FAM227B: variants seen among roughly 807,000 people sequenced by gnomAD.
FAM227B encodes the protein protein FAM227B.
Under a neutral mutation model 73.8 loss-of-function variants are expected in FAM227B, and 88 were observed. The observed-to-expected ratio is 1.19, with a 90% CI of 1.00 to 1.42. The LOEUF (loss-of-function observed/expected upper bound fraction) is 1.42. FAM227B is among the 40% of genes most tolerant of loss of function. FAM227B has a pLI of 0.00. For missense variants in FAM227B, 632 were observed against 590.9 expected (o/e 1.07, Z -0.72); for synonymous variants, 210 against 190.5 (o/e 1.10, Z -0.84).
intron 13 of FAM227B, chr15:49,366,730 G>A (rs1218295318): frequency 7.5e-6 from 8 of 1,060,044 alleles, no homozygotes; most frequent in Non-Finnish European, 1.1e-5. Context: ...GGCTCACTAG[G>A]TGGGGTAGGC....
Position 49,606,439 on chromosome 15 carries a change from C to T in FAM227B, c.105+4776G>A, listed in dbSNP as rs2077527293. Among the ~76,000 whole-genome samples the T allele has an allele frequency of 2.6e-5, 4 of 152,170 alleles. No homozygotes were observed. In the South Asian group the frequency reaches 8.3e-4, roughly 32 times the overall value. On this transcript the variant is annotated intron_variant, in intron 3 of 15. Transcript: ENST00000299338. ...TAATATATTTACTTATTTGATCAAT[C>T]CTTTTATGTAACCAATCTCTCATAT...
chr15:49,485,332 A>G (rs1371766516), intron 11 of FAM227B: 3 of 152,438 alleles, frequency 2.0e-5, no homozygotes, highest in Non-Finnish European at 4.4e-5. Context: ...CTATCTTTGT[A>G]TAATTCATAT....
intron 13 of FAM227B, among the ~76,000 whole-genome samples, chr15:49,360,101 A>G (rs1421004186): frequency 6.0e-5 from 4 of 67,024 alleles, no homozygotes; most frequent in African/African-American, 1.2e-4. Flanking sequence ...GGGTGGGGGG[A>G]GGGGGGAGGG....
At chr15:49,588,140 A>C (rs2076285642) in intron 4 of FAM227B, 57 bp from the exon 5 acceptor site, 1 of 1,043,668 alleles carries the variant, frequency 9.6e-7, no homozygotes, top group Admixed American at 3.2e-5. Flanking sequence ...CTCCTCTAAA[A>C]ATAAACAAAA....
intron 11 of FAM227B, among the ~76,000 whole-genome samples, chr15:49,392,062 C>A (rs925595633): frequency 1.3e-5 from 2 of 152,058 alleles, no homozygotes; most frequent in Non-Finnish European, 2.9e-5. Flanking sequence ...AGAATACAGC[C>A]TTTAACAGTC....
intron 9 of FAM227B, among the ~76,000 whole-genome samples, chr15:49,549,400 C>T (rs1418659136): frequency 1.3e-5 from 2 of 151,508 alleles, no homozygotes; most frequent in African/African-American, 2.4e-5. Context: ...CATAGGACAA[C>T]AGTGGAGGGA....
intron 11 of FAM227B, among the ~76,000 whole-genome samples, chr15:49,481,593 CCTGTGTTCT>C (rs1368779605): frequency 2.6e-5 from 4 of 152,082 alleles, no homozygotes; most frequent in Non-Finnish European, 4.4e-5. Context: ...CCTATTCAGG[CCTGTGTTCT>C]TCAAAATTCT....
chr15:49,439,114 G>A (rs571508348), intron 11 of FAM227B, among the ~76,000 whole-genome samples: 2 of 151,658 alleles, frequency 1.3e-5, no homozygotes, highest in East Asian at 3.9e-4. Context: ...TGGGGCTGAA[G>A]GATCTATATA....
intron 11 of FAM227B, among the ~76,000 whole-genome samples, chr15:49,401,964 C>A (rs1467777217): frequency 1.3e-5 from 2 of 150,140 alleles, no homozygotes; most frequent in East Asian, 3.9e-4. Flanking sequence ...AACTAACCTG[C>A]ACAATGTGCA....
chr15:49,567,079 AT>A, intron 9 of FAM227B, among the ~76,000 whole-genome samples: 1 of 152,288 alleles, frequency 6.6e-6, no homozygotes, highest in South Asian at 2.1e-4. Flanking sequence ...TCATAAAATC[AT>A]GTAGGTGGAC....
intron 11 of FAM227B, among the ~76,000 whole-genome samples, chr15:49,495,777 C>T (rs557388996): frequency 1.1e-4 from 16 of 152,254 alleles, no homozygotes; most frequent in African/African-American, 3.8e-4. Context: ...AATCCCAGCA[C>T]TTTGGGAGGC....
chr15:49,512,396 A>AT (rs748645211), intron 10 of FAM227B, among the ~76,000 whole-genome samples: 2 of 151,700 alleles, frequency 1.3e-5, no homozygotes, highest in African/African-American at 4.8e-5. Context: ...CCTAGGTTTC[A>AT]TTTTTTTGCT....
chr15:49,402,121 G>T (rs1372761389), intron 11 of FAM227B, among the ~76,000 whole-genome samples: 2 of 152,024 alleles, frequency 1.3e-5, no homozygotes, highest in Admixed American at 1.3e-4. Context: ...ACCACCTCTG[G>T]TGACAAGTAA....
intron 13 of FAM227B, among the ~76,000 whole-genome samples, chr15:49,366,868 G>T (rs2151449795): frequency 6.6e-6 from 1 of 152,278 alleles, no homozygotes; most frequent in East Asian, 1.9e-4. Flanking sequence ...ATTCCTTTGG[G>T]ATTCATCTGA....
intron 11 of FAM227B, among the ~76,000 whole-genome samples, chr15:49,447,892 A>G (rs1418995301): frequency 6.6e-6 from 1 of 151,702 alleles, no homozygotes; most frequent in Non-Finnish European, 1.5e-5. Context: ...TTTCATGCCA[A>G]TTAATATAAG....
intron 7 of FAM227B, 141 bp downstream of exon 7, chr15:49,576,600 A>G: frequency 1.7e-6 from 1 of 605,374 alleles, no homozygotes; most frequent in East Asian, 2.8e-5. Context: ...TAGACACATC[A>G]CTGGTCTTTC....
At chr15:49,571,972 A>G (rs1460526802) in intron 8 of FAM227B, among the ~76,000 whole-genome samples, 1 of 151,970 alleles carries the variant, frequency 6.6e-6, no homozygotes, top group African/African-American at 2.4e-5. Context: ...AATTCTTTCA[A>G]TCTATAAACA....
intron 5 of FAM227B, among the ~76,000 whole-genome samples, chr15:49,583,558 C>T (rs7163740): frequency 0.62 from 94,097 of 150,988 alleles, 30,694 homozygotes; most frequent in Non-Finnish European, 0.73. Context: ...AAAATAACCA[C>T]AAAAATGGGT....
chr15:49,333,336 C>G (rs2039140255), intron 14 of FAM227B, among the ~76,000 whole-genome samples: 1 of 152,148 alleles, frequency 6.6e-6, no homozygotes, highest in African/African-American at 2.4e-5. Flanking sequence ...GTGCCTATAA[C>G]TTTAACAAGC....
Sources: allele counts gnomAD v4.1 joint callset (sites outside exome capture counted in the v4.1 genomes callset), GRCh38; gene constraint gnomAD v4.1.1; transcripts MANE v1.5; gene names NCBI Gene and HGNC (gene_info 2026-07-23, HGNC 2026-07-21).